CEP112: variants seen among roughly 807,000 people sequenced by gnomAD.
CEP112 encodes centrosomal protein 112, also known as centrosomal protein of 112 kDa.
Under a neutral mutation model 153.0 loss-of-function variants are expected in CEP112, and 127 were observed. The ratio of observed to expected loss-of-function variants is 0.83; its 90% CI spans 0.72 to 0.96. The LOEUF (loss-of-function observed/expected upper bound fraction) is 0.96. CEP112 is among the 40% of genes least tolerant of loss of function. The probability of loss-of-function intolerance (pLI) is 0.00; values close to 1 mark genes in which losing one functional copy is unlikely to be tolerated. For missense variants in CEP112, 1,089 were observed against 1,101.2 expected, an observed-to-expected ratio of 0.99 and a Z score of 0.16; for synonymous variants, 358 against 374.4, an observed-to-expected ratio of 0.96 and a Z score of 0.51.
intron 22 of CEP112, among the ~76,000 whole-genome samples, chr17:65,744,970 T>C (rs1023014419): frequency 6.6e-6 from 1 of 152,248 alleles, no homozygotes; most frequent in Admixed American, 6.5e-5. Flanking sequence ...GTTATCTTTC[T>C]TGAAGCTCAG....
At chr17:65,682,093 A>AAGC (rs1297660508) in intron 24 of CEP112, among the ~76,000 whole-genome samples, 6 of 152,054 alleles carry the variant, frequency 3.9e-5, no homozygotes, top group African/African-American at 1.5e-4. Context: ...GCCCGGGTTC[A>AAGC]AGCAATTCTC....
At chr17:65,783,132 G>A (rs1337721554) in intron 21 of CEP112, among the ~76,000 whole-genome samples, 2 of 151,742 alleles carry the variant, frequency 1.3e-5, no homozygotes, top group East Asian at 3.9e-4. Context: ...ACTTGAATAG[G>A]CATTTCTCAA....
intron 23 of CEP112, among the ~76,000 whole-genome samples, chr17:65,693,573 A>G (rs2048221069): frequency 6.6e-6 from 1 of 152,120 alleles, no homozygotes; most frequent in South Asian, 2.1e-4. Context: ...GAATTGGAAA[A>G]AAGGGACTCA....
chr17:65,749,576 G>A (rs2051692719), intron 22 of CEP112, among the ~76,000 whole-genome samples: 1 of 152,098 alleles, frequency 6.6e-6, no homozygotes, highest in African/African-American at 2.4e-5. Context: ...GTAGTGTTAA[G>A]GTTAAGAACT....
intron 6 of CEP112, among the ~76,000 whole-genome samples, chr17:66,124,008 G>A (rs1030081240): frequency 5.3e-5 from 8 of 152,164 alleles, no homozygotes; most frequent in African/African-American, 9.6e-5. Flanking sequence ...TCTCTCCTAC[G>A]GACAGTAGCT....
chr17:65,639,760 T>C lies in CEP112; in HGVS notation c.2799+1204A>G, dbSNP rs1364576783. Reference sequence around the variant, plus strand: ...TCTTTCTCATGATACCAACAATACGTAAAACATTCAAACATGTTAGAAGTT... The same window carrying C: ...TCTTTCTCATGATACCAACAATACGCAAAACATTCAAACATGTTAGAAGTT... On this transcript the variant is annotated intron_variant, in intron 25 of 26. Coordinates refer to ENST00000535342, the MANE Select transcript of CEP112 (RefSeq NM_001199165.4). Among the ~76,000 whole-genome samples, 8 of 151,618 alleles carry C rather than the reference T, an allele frequency of 5.3e-5. No homozygotes were observed. The South Asian group carries it at 1.5e-3, about 28-fold the overall frequency.
intron 12 of CEP112, among the ~76,000 whole-genome samples, chr17:66,030,473 C>T (rs1332061052): frequency 1.3e-5 from 2 of 152,068 alleles, no homozygotes; most frequent in Non-Finnish European, 1.5e-5. Flanking sequence ...AAATCCATAG[C>T]CCCAAAATTG....
intron 21 of CEP112, among the ~76,000 whole-genome samples, chr17:65,782,613 C>T (rs575116567): frequency 1.4e-4 from 22 of 152,158 alleles, no homozygotes; most frequent in Middle Eastern, 3.4e-3. Context: ...TGGTGTATTG[C>T]ATAAAGAAAA....
chr17:65,785,288 A>G (rs2054221839), intron 21 of CEP112, among the ~76,000 whole-genome samples: 1 of 152,232 alleles, frequency 6.6e-6, no homozygotes, highest in South Asian at 2.1e-4. Flanking sequence ...ACATTCTTGT[A>G]CAAGTTTCTT....
intron 26 of CEP112, 41 bp downstream of exon 26, chr17:65,637,080 ACAC>A: frequency 6.8e-7 from 1 of 1,481,304 alleles, no homozygotes; most frequent in South Asian, 1.1e-5. Context: ...AGGTGACACA[ACAC>A]AAACTAATCA....
chr17:66,026,429 C>T (rs2065214563), intron 16 of CEP112, among the ~76,000 whole-genome samples: 1 of 150,244 alleles, frequency 6.7e-6, no homozygotes, highest in South Asian at 2.1e-4. Context: ...TAATCTTTTT[C>T]AAGTAGTAGT....
At chr17:65,959,561 G>A (rs2062123674) in intron 18 of CEP112, among the ~76,000 whole-genome samples, 2 of 152,186 alleles carry the variant, frequency 1.3e-5, no homozygotes, top group South Asian at 4.1e-4. Context: ...CCCAGACCTG[G>A]GCGCTCCCGA....
intron 4 of CEP112, among the ~76,000 whole-genome samples, chr17:66,151,658 A>G (rs1183981428): frequency 6.6e-6 from 1 of 152,208 alleles, no homozygotes; most frequent in Non-Finnish European, 1.5e-5. Flanking sequence ...TCCTATAGAG[A>G]GGCCCAAATA....
chr17:65,837,828 A>C (rs1035843756), intron 21 of CEP112, among the ~76,000 whole-genome samples: 5 of 152,216 alleles, frequency 3.3e-5, no homozygotes, highest in African/African-American at 9.6e-5. Context: ...TGTGTCCACT[A>C]AGGGTTAAAT....
rs534596687 is a variant in CEP112, at chr17:65,856,680, T to C, written c.2164-4646A>G. On this transcript the variant is annotated intron_variant, in intron 20 of 26. Transcript: ENST00000535342. The stretch of plus-strand genomic sequence containing the variant: ...TGCATAGTGGTAAAATCTGGGCTTT[T>C]AGTGTAACTACCAACCAAATATTAT... Among the ~76,000 whole-genome samples, 5 of 152,346 alleles carry C rather than the reference T, an allele frequency of 3.3e-5. No homozygotes were observed. The South Asian group carries it at 1.0e-3, about 32-fold the overall frequency.
chr17:65,696,924 C>T (rs1167949159), intron 23 of CEP112, among the ~76,000 whole-genome samples: 2 of 152,114 alleles, frequency 1.3e-5, no homozygotes, highest in Non-Finnish European at 2.9e-5. Flanking sequence ...ATTTGCCACT[C>T]AGTGGGGAGG....
chr17:65,729,370 A>T (rs1328306853), intron 23 of CEP112, among the ~76,000 whole-genome samples: 1 of 152,174 alleles, frequency 6.6e-6, no homozygotes, highest in African/African-American at 2.4e-5. Flanking sequence ...ATACATAAAT[A>T]TGTGCATATA....
At chr17:65,861,211 G>A (rs755172891) in intron 20 of CEP112, among the ~76,000 whole-genome samples, 1 of 152,122 alleles carries the variant, frequency 6.6e-6, no homozygotes, top group Non-Finnish European at 1.5e-5. Context: ...ACCACTGAAT[G>A]GTACAGTGTA....
intron 21 of CEP112, among the ~76,000 whole-genome samples, chr17:65,803,678 T>C (rs908686406): frequency 6.6e-5 from 10 of 152,204 alleles, no homozygotes; most frequent in Admixed American, 5.9e-4. Flanking sequence ...TCCCTCCCAA[T>C]AGATAATTTC....
Sources: gnomAD v4.1 joint callset for allele counts (sites outside exome capture counted in the v4.1 genomes callset) on GRCh38, gnomAD v4.1.1 for gene constraint, MANE v1.5 for transcripts, NCBI Gene and HGNC (gene_info 2026-07-23, HGNC 2026-07-21) for gene names.